Variants in GPC6 observed in about 807,000 individuals in gnomAD.
GPC6 encodes the protein glypican-6.
Under a neutral mutation model 55.2 loss-of-function variants are expected in GPC6, and 14 were observed. The ratio of observed to expected loss-of-function variants is 0.25; its 90% CI spans 0.17 to 0.40. The LOEUF (loss-of-function observed/expected upper bound fraction) is 0.40, where lower values mean the gene tolerates loss of function less well. Ranked by LOEUF, GPC6 falls within the 10% of genes least tolerant of loss-of-function variation. GPC6 has a pLI of 1.00. For synonymous variants in GPC6, 278 were observed against 259.6 expected (o/e 1.07, Z -0.68); for missense variants, 641 against 708.5 (o/e 0.90, Z 1.08).
At chr13:93,678,192 C>T (rs1460634543) in intron 2 of GPC6, among the ~76,000 whole-genome samples, 13 of 152,086 alleles carry the variant, frequency 8.5e-5, no homozygotes, top group Admixed American at 8.5e-4. Flanking sequence ...AATATGCATA[C>T]CCTTTCACAA....
intron 1 of GPC6, among the ~76,000 whole-genome samples, chr13:93,233,989 A>G (rs1395454551): frequency 6.6e-6 from 1 of 152,222 alleles, no homozygotes; most frequent in Non-Finnish European, 1.5e-5. Context: ...TGTTTCAAAT[A>G]TAGCACAAAG....
At chr13:93,605,713 G>A (rs1878209287) in intron 2 of GPC6, among the ~76,000 whole-genome samples, 1 of 151,584 alleles carries the variant, frequency 6.6e-6, no homozygotes, top group Non-Finnish European at 1.5e-5. Flanking sequence ...ATGATGGCGG[G>A]TGCCTCTAAT....
chr13:93,309,638 A>G lies in GPC6; in HGVS notation c.160+82022A>G, dbSNP rs1878994994. On this transcript the variant is annotated intron_variant, in intron 1 of 8. Coordinates refer to ENST00000377047, the MANE Select transcript of GPC6 (RefSeq NM_005708.5). ...ATACAGCAAGTATATTAACTTGGGA[A>G]AAACATACAGAAACACAAGAAGCTA... is the stretch of plus-strand genomic sequence containing the variant. Among the ~76,000 whole-genome samples, 3 of 152,210 alleles carry G rather than the reference A, an allele frequency of 2.0e-5. No homozygotes were observed. The South Asian group carries it at 6.2e-4, about 32-fold the overall frequency.
intron 1 of GPC6, among the ~76,000 whole-genome samples, chr13:93,480,758 T>A (rs550402781): frequency 3.3e-5 from 5 of 152,338 alleles, no homozygotes; most frequent in African/African-American, 7.2e-5. Flanking sequence ...TCATCTACAC[T>A]GTAGCACATG....
intron 2 of GPC6, among the ~76,000 whole-genome samples, chr13:93,726,647 C>T (rs1411741157): frequency 6.6e-6 from 1 of 152,066 alleles, no homozygotes; most frequent in Non-Finnish European, 1.5e-5. Context: ...CCTCTGTCCT[C>T]CCACCTTTTT....
chr13:94,184,649 G>A (rs953573882), intron 4 of GPC6, among the ~76,000 whole-genome samples: 5 of 152,132 alleles, frequency 3.3e-5, no homozygotes, highest in African/African-American at 9.7e-5. Context: ...AACAGATGCC[G>A]ATTGGGCTGC....
chr13:93,655,003 A>ATTTTTTTTTTTTTTTTTT (rs3884231), intron 2 of GPC6, among the ~76,000 whole-genome samples: 3 of 104,756 alleles, frequency 2.9e-5, no homozygotes, highest in African/African-American at 3.7e-5. Context: ...TGCCCGGCTA[A>ATTTTTTTTTTTTTTTTTT]TTTTTTTTTT....
At chr13:94,092,883 T>G (rs1003851048) in intron 4 of GPC6, among the ~76,000 whole-genome samples, 9 of 152,158 alleles carry the variant, frequency 5.9e-5, no homozygotes, top group South Asian at 2.1e-4. Context: ...ATTAGTGATG[T>G]TGAACATGTT....
At chr13:93,319,082 A>G (rs1566296757) in intron 1 of GPC6, among the ~76,000 whole-genome samples, 1 of 152,132 alleles carries the variant, frequency 6.6e-6, no homozygotes, top group African/African-American at 2.4e-5. Flanking sequence ...AGACTGGCCT[A>G]TAACTGTCCC....
intron 1 of GPC6, among the ~76,000 whole-genome samples, chr13:93,420,949 C>T (rs1443618001): frequency 6.6e-6 from 1 of 151,946 alleles, no homozygotes; most frequent in Non-Finnish European, 1.5e-5. Context: ...CATGGTGGAT[C>T]CTGAATGACT....
intron 1 of GPC6, among the ~76,000 whole-genome samples, chr13:93,427,462 C>T (rs922567686): frequency 6.6e-6 from 1 of 151,864 alleles, no homozygotes; most frequent in Non-Finnish European, 1.5e-5. Context: ...CTACAACTAT[C>T]TGATCTTTGA....
chr13:94,366,215 T>C (rs1388451938), intron 6 of GPC6, among the ~76,000 whole-genome samples: 1 of 152,212 alleles, frequency 6.6e-6, no homozygotes, highest in Non-Finnish European at 1.5e-5. Context: ...GCAAAGAATC[T>C]GAATTTTTCA....
intron 2 of GPC6, among the ~76,000 whole-genome samples, chr13:93,594,889 C>G (rs73541596): frequency 0.053 from 8,098 of 151,400 alleles, 735 homozygotes; most frequent in African/African-American, 0.19. Context: ...GGGCTCCAAC[C>G]TCATGGCCTA....
intron 2 of GPC6, among the ~76,000 whole-genome samples, chr13:93,615,582 A>G (rs1878681384): frequency 6.6e-6 from 1 of 152,186 alleles, no homozygotes; most frequent in African/African-American, 2.4e-5. Context: ...TCACGCATCA[A>G]CATAGTTATC....
intron 3 of GPC6, among the ~76,000 whole-genome samples, chr13:93,991,454 T>C (rs2140415507): frequency 6.6e-6 from 1 of 152,356 alleles, no homozygotes; most frequent in South Asian, 2.1e-4. Context: ...TGAGAGTAGA[T>C]GTTCAACAGA....
At chr13:94,370,752 T>C (rs2139191861) in intron 6 of GPC6, among the ~76,000 whole-genome samples, 1 of 152,300 alleles carries the variant, frequency 6.6e-6, no homozygotes, top group South Asian at 2.1e-4. Flanking sequence ...TTCCGAATGA[T>C]AAACAACCAG....
intron 6 of GPC6, among the ~76,000 whole-genome samples, chr13:94,378,219 T>G (rs1200186240): frequency 6.6e-6 from 1 of 152,010 alleles, no homozygotes; most frequent in Non-Finnish European, 1.5e-5. Flanking sequence ...ATAATAATAA[T>G]AATATCTCAT....
At chr13:94,277,963 T>C (rs1892262751) in intron 4 of GPC6, among the ~76,000 whole-genome samples, 1 of 152,216 alleles carries the variant, frequency 6.6e-6, no homozygotes, top group Admixed American at 6.5e-5. Context: ...TTTTTCCTAA[T>C]TTTGTGAAGA....
At chr13:93,599,052 T>A (rs1037438928) in intron 2 of GPC6, among the ~76,000 whole-genome samples, 1 of 152,172 alleles carries the variant, frequency 6.6e-6, no homozygotes, top group African/African-American at 2.4e-5. Context: ...TTTAGAAATC[T>A]TTGAGTGCAA....
Sources: allele counts gnomAD v4.1 joint callset (sites outside exome capture counted in the v4.1 genomes callset), GRCh38; gene constraint gnomAD v4.1.1; transcripts MANE v1.5; gene names NCBI Gene and HGNC (gene_info 2026-07-23, HGNC 2026-07-21).